The following PWWP2B variants were observed in gnomAD, a reference collection of about 807,000 sequenced individuals.
The protein encoded by PWWP2B is PWWP domain-containing protein 2B.
In PWWP2B, 9 loss-of-function variants were observed where a neutral mutation model predicts 15.5. That is an observed-to-expected ratio of 0.58 (90% CI 0.35 to 1.02). The LOEUF is 1.02. PWWP2B is among the 50% of genes least tolerant of loss of function. The pLI is 0.02. For missense variants in PWWP2B, 864 were observed against 865.3 expected, an observed-to-expected ratio of 1.00 and a Z score of 0.02; for synonymous variants, 474 against 403.6, an observed-to-expected ratio of 1.17 and a Z score of -2.09.
chr10:132,416,804 G>T (rs1305129457), intron 2 of PWWP2B, among the ~76,000 whole-genome samples: 1 of 152,108 alleles, frequency 6.6e-6, no homozygotes, highest in African/African-American at 2.4e-5. Context: ...GTGGCCCTGC[G>T]TGTAGGGCCT....
In PWWP2B at chr10:132,404,782, C is replaced by A; in HGVS notation, c.282C>A (p.Pro94=). Residue 94 remains proline (P), a synonymous_variant, in exon 2 of 3, where the codon CCC becomes CCA. Transcript: ENST00000305233. ...SPPPARGVQP[P]ETTRPEPPPP... is the part of the protein sequence containing the mutation. ...CTCCTGCCCGCGGGGTTCAGCCCCC[C>A]GAGACCACCCGCCCCGAGCCACCCC... 2.6e-6 allele frequency: 4 copies of A among 1,544,994 alleles called. No homozygotes were observed. The highest frequency in any genetic ancestry group is 1.4e-5 in the African/African-American group (1 of 73,932).
At chr10:132,410,971 G>A (rs1036087146) in intron 2 of PWWP2B, among the ~76,000 whole-genome samples, 8 of 152,208 alleles carry the variant, frequency 5.3e-5, no homozygotes, top group Non-Finnish European at 1.2e-4. Flanking sequence ...CACAGCCTCC[G>A]TCAGCAGTTG....
In PWWP2B at chr10:132,405,427, C is replaced by T. The variant is rs2069681177; in HGVS notation, c.927C>T (p.Pro309=). The T allele has an allele frequency of 6.2e-7, 1 of 1,610,276 alleles. No homozygotes were observed. The highest frequency in any genetic ancestry group is 8.5e-7 in the Non-Finnish European group (1 of 1,179,408). ...CCCGGGACCGGCCGTCCTGCGCGCCCTCGGCCTCCATCCCCAAGTTGAAAC... is the reference window on the plus strand; with the variant it reads ...CCCGGGACCGGCCGTCCTGCGCGCCTTCGGCCTCCATCCCCAAGTTGAAAC... ...RESRDRPSCA[P]SASIPKLKLT... is the part of the protein sequence containing the mutation. Residue 309 remains proline, a synonymous_variant, in exon 2 of 3, where the codon CCC becomes CCT. Coordinates refer to ENST00000305233, the MANE Select transcript of PWWP2B (RefSeq NM_138499.4).
Position 132,417,655 on chromosome 10 carries a change from G to A in PWWP2B, c.*611G>A, listed in dbSNP as rs1487041616. ...CACTCCAAGTTCATCCCAGAGCGTG[G>A]GGCCCGCTGGGCACCTGGCACCTGG... On this transcript the variant is annotated 3_prime_UTR_variant, in exon 3 of 3. Transcript: ENST00000305233. The A allele has an allele frequency of 6.5e-6, 1 of 153,944 alleles. No individual in the cohort carries two copies. Among genetic ancestry groups the A allele is most frequent in the Non-Finnish European group, 1.4e-5 (1 of 69,076 alleles). The allele number at this position is 153,944 out of a possible 1,614,324, so 9.5% of individuals were successfully genotyped here.
At chr10:132,407,766 G>A (rs1473034040) in intron 2 of PWWP2B, among the ~76,000 whole-genome samples, 1 of 152,232 alleles carries the variant, frequency 6.6e-6, no homozygotes, top group Non-Finnish European at 1.5e-5. Flanking sequence ...GCGTGGGGCA[G>A]GTGCCTTGTT....
chr10:132,405,163 C>T lies in PWWP2B; in HGVS notation c.663C>T (p.Gly221=), dbSNP rs1016079105. The change falls in exon 2 of 3, where the codon GGC becomes GGT. Residue 221 remains glycine (G), a synonymous_variant. Transcript: ENST00000305233. ...ELRKPEEPEN[G]EPTAAATARR... ...GCAAGCCGGAGGAGCCGGAGAACGG[C>T]GAGCCCACGGCTGCGGCCACCGCCA... is the stretch of plus-strand genomic sequence containing the variant. The T allele has an allele frequency of 5.2e-6, 8 of 1,548,560 alleles. No homozygotes were observed. The highest frequency in any genetic ancestry group is 4.9e-5 in the East Asian group (2 of 40,982).
chr10:132,412,484 G>A (rs2069794363), intron 2 of PWWP2B, among the ~76,000 whole-genome samples: 2 of 152,188 alleles, frequency 1.3e-5, no homozygotes, highest in Admixed American at 1.3e-4. Flanking sequence ...GGGGCCGTGG[G>A]AGCTCCTGCC....
rs560587192 is a variant in PWWP2B, at chr10:132,404,418, T to C, written c.126-208T>C. ...ATGCTGCTTGGCTTTGGAAGGCACA[T>C]GTCTTGCCCTGCTGTGTCCAACCCA... On this transcript the variant is annotated intron_variant, in intron 1 of 2. Coordinates refer to ENST00000305233, the MANE Select transcript of PWWP2B (RefSeq NM_138499.4). Among the ~76,000 whole-genome samples, 66 of 152,234 alleles carry C rather than the reference T, an allele frequency of 4.3e-4. 1 individual carries two copies. Among genetic ancestry groups the C allele is most frequent in the Middle Eastern group, 3.4e-3 (1 of 294 alleles).
intron 1 of PWWP2B, among the ~76,000 whole-genome samples, chr10:132,402,212 C>T (rs190098062): frequency 2.0e-5 from 3 of 152,356 alleles, no homozygotes; most frequent in East Asian, 3.9e-4. Context: ...GGGCTGGCTC[C>T]GTTTGTGGGG....
chr10:132,405,515 C>G lies in PWWP2B; in HGVS notation c.1015C>G (p.Arg339Gly). The change falls in exon 2 of 3, where the codon CGT becomes GGT. Residue 339 changes from arginine (R) to glycine (G), a missense_variant. Physicochemically the swap from Arg to Gly is moderately radical, Grantham distance 125 (BLOSUM62 -2). Coordinates refer to ENST00000305233, the MANE Select transcript of PWWP2B (RefSeq NM_138499.4). Reference protein sequence around the residue: ...PPPKIRLKPHRLGDSEHEPVY... With the variant: ...PPPKIRLKPHGLGDSEHEPVY... ...CCCTAAGATCCGCCTGAAGCCCCAC[C>G]GTCTGGGGGACAGCGAGCACGAGCC... 1 of 1,603,862 alleles carries G rather than the reference C, an allele frequency of 6.2e-7. No homozygotes were observed. Among genetic ancestry groups the G allele is most frequent in the Non-Finnish European group, 8.5e-7 (1 of 1,179,322 alleles).
intron 2 of PWWP2B, among the ~76,000 whole-genome samples, chr10:132,406,744 C>T (rs376584054): frequency 1.3e-5 from 2 of 152,184 alleles, no homozygotes; most frequent in Admixed American, 1.3e-4. Flanking sequence ...CTCCTGCACG[C>T]GGATAGGCCA....
chr10:132,413,867 C>T lies in PWWP2B; in HGVS notation c.*17-3194C>T, dbSNP rs539649799. The stretch of plus-strand genomic sequence containing the variant: ...CACCATGGAGAAGGTGTGGCCCAGG[C>T]AGGGAGGTGCTGGTGCCTTGGGGCC... On this transcript the variant is annotated intron_variant, in intron 2 of 2. Transcript: ENST00000305233. 7.3e-4 allele frequency among the ~76,000 whole-genome samples: 111 copies of T among 152,318 alleles called. 1 individual carries two copies. Among genetic ancestry groups the T allele is most frequent in the African/African-American group, 2.6e-3 (107 of 41,564 alleles).
intron 2 of PWWP2B, among the ~76,000 whole-genome samples, chr10:132,408,100 C>T (rs117974416): frequency 0.034 from 5,242 of 152,322 alleles, 164 homozygotes; most frequent in Non-Finnish European, 0.049. Context: ...CCTGCCTCCA[C>T]GGGGGGCAGT....
At chr10:132,414,751 A>G (rs1166233983) in intron 2 of PWWP2B, among the ~76,000 whole-genome samples, 1 of 152,232 alleles carries the variant, frequency 6.6e-6, no homozygotes, top group African/African-American at 2.4e-5. Context: ...CATTCCTCAC[A>G]GGGACTGTTC....
At position 132,405,491 on chromosome 10, in the gene PWWP2B, C is replaced by G. The variant is rs757188892; in HGVS notation, c.991C>G (p.Pro331Ala). The G allele has an allele frequency of 4.9e-5, 78 of 1,604,246 alleles. No homozygotes were observed. The highest frequency in any genetic ancestry group is 3.3e-4 in the Middle Eastern group (2 of 6,080). ...PVPAGADLPP[P>A]KIRLKPHRLG... Reference sequence around the variant, plus strand: ...GCCGGCCGGCGCGGACCTGCCGCCCCCTAAGATCCGCCTGAAGCCCCACCG... The same window carrying G: ...GCCGGCCGGCGCGGACCTGCCGCCCGCTAAGATCCGCCTGAAGCCCCACCG... The change falls in exon 2 of 3, where the codon CCT becomes GCT. Residue 331 changes from proline (P) to alanine (A), a missense_variant. Physicochemically the swap from Pro to Ala is conservative, Grantham distance 27. Around this residue, in one of 2 missense-constraint regions of PWWP2B, gnomAD observed 736 missense variants for 687.7 expected, o/e 1.07. Coordinates refer to ENST00000305233, the MANE Select transcript of PWWP2B (RefSeq NM_138499.4).
At chr10:132,398,053 C>T (rs1357469379) in intron 1 of PWWP2B, among the ~76,000 whole-genome samples, 1 of 152,176 alleles carries the variant, frequency 6.6e-6, no homozygotes, top group Non-Finnish European at 1.5e-5. Flanking sequence ...CTGGACACCG[C>T]GTCACATGGC....
intron 2 of PWWP2B, among the ~76,000 whole-genome samples, chr10:132,416,663 C>T (rs1382380707): frequency 3.9e-5 from 6 of 152,116 alleles, no homozygotes; most frequent in African/African-American, 9.7e-5. Context: ...CGGGTCTCCA[C>T]GGGGCCGTCA....
rs770744017 is a variant in PWWP2B at position 132,405,064 on chromosome 10, G to A, written c.564G>A (p.Pro188=). ...CEKCKSTLSP[P]EASPGPPAAP... ...AGTGCAAGAGCACGCTGAGCCCCCC[G>A]GAGGCCAGCCCCGGACCCCCAGCCG... is the stretch of plus-strand genomic sequence containing the variant. Residue 188 remains proline, a synonymous_variant, in exon 2 of 3, where the codon CCG becomes CCA. Transcript: ENST00000305233. 4.3e-5 allele frequency: 65 copies of A among 1,517,340 alleles called. No homozygotes were observed. The East Asian group carries it at 9.7e-4, about 23-fold the overall frequency. 94.0% of individuals were successfully genotyped at this position (1,517,340 alleles called of 1,614,324 possible).
chr10:132,415,672 C>T (rs1387257854), intron 2 of PWWP2B, among the ~76,000 whole-genome samples: 3 of 145,906 alleles, frequency 2.1e-5, no homozygotes, highest in African/African-American at 8.1e-5. Context: ...CACACACTCA[C>T]ACACACATAT....
Sources: gnomAD v4.1 joint callset for allele counts (sites outside exome capture counted in the v4.1 genomes callset) on GRCh38, gnomAD v4.1.1 for gene constraint, gnomAD v4.1.1 regional missense constraint, MANE v1.5 for transcripts, NCBI Gene and HGNC (gene_info 2026-07-23, HGNC 2026-07-21) for gene names.